Variants in KCNQ5 observed in about 807,000 individuals in gnomAD.
KCNQ5 encodes the protein potassium voltage-gated channel subfamily Q member 5.
A neutral mutation model predicts 98.2 loss-of-function variants in KCNQ5; 30 were observed. The observed-to-expected ratio is 0.31, with a 90% CI of 0.23 to 0.41. The LOEUF is 0.41. Among genes scored for constraint, KCNQ5 ranks in the 10% least tolerant of loss-of-function variants. The pLI is 1.00. For synonymous variants in KCNQ5, 458 were observed against 449.4 expected (o/e 1.02, Z -0.24); for missense variants, 835 against 1,182.5 (o/e 0.71, Z 4.31).
chr6:72,673,341 T>A (rs187156835), intron 1 of KCNQ5, among the ~76,000 whole-genome samples: 2 of 152,312 alleles, frequency 1.3e-5, no homozygotes, highest in East Asian at 1.9e-4. Flanking sequence ...AAATATATAA[T>A]GCATCAAGTG....
chr6:73,151,102 TTA>T (rs1248276170), intron 10 of KCNQ5, among the ~76,000 whole-genome samples: 2 of 152,198 alleles, frequency 1.3e-5, no homozygotes, highest in African/African-American at 4.8e-5. Flanking sequence ...AATCTCTGTA[TTA>T]TGTCTTACAA....
At chr6:73,058,064 C>T (rs994867182) in intron 3 of KCNQ5, among the ~76,000 whole-genome samples, 1 of 152,156 alleles carries the variant, frequency 6.6e-6, no homozygotes, top group Non-Finnish European at 1.5e-5. Context: ...AATTGGACCC[C>T]TTGTTTATAC....
chr6:72,733,776 G>T (rs1220403427), intron 1 of KCNQ5, among the ~76,000 whole-genome samples: 2 of 152,204 alleles, frequency 1.3e-5, no homozygotes, highest in Non-Finnish European at 2.9e-5. Context: ...ACATCTTAAT[G>T]GTTTCTAATG....
chr6:72,940,840 C>T (rs759140276), intron 1 of KCNQ5, among the ~76,000 whole-genome samples: 14 of 151,982 alleles, frequency 9.2e-5, no homozygotes, highest in Non-Finnish European at 1.6e-4. Context: ...GTTGTTTTAA[C>T]GATTAAATAA....
At chr6:72,750,983 G>A (rs1263837265) in intron 1 of KCNQ5, among the ~76,000 whole-genome samples, 4 of 151,920 alleles carry the variant, frequency 2.6e-5, no homozygotes, top group Non-Finnish European at 5.9e-5. Flanking sequence ...TATTTTGGAT[G>A]TTTGCTCAGA....
rs543983897 is a variant in KCNQ5 at position 72,797,502 on chromosome 6, C to CA, written c.398+174931dup. Among the ~76,000 whole-genome samples, 640 of 87,226 alleles carry CA rather than the reference C, an allele frequency of 7.3e-3. 3 individuals carry two copies. Among genetic ancestry groups the CA allele is most frequent in the Non-Finnish European group, 0.011 (419 of 37,100 alleles). 57.2% of individuals were successfully genotyped at this position (87,226 alleles called of 152,430 possible). On this transcript the variant is annotated intron_variant, in intron 1 of 13. Coordinates refer to ENST00000370398, the MANE Select transcript of KCNQ5 (RefSeq NM_019842.4). ...CCTGGGCAACAGAATAAGACCCTGC[C>CA]AAAAAAAAAAAAAAAAGTGTTTAGT...
Position 72,969,165 on chromosome 6 carries a change from A to G in KCNQ5, c.399-34743A>G, listed in dbSNP as rs181144181. On this transcript the variant is annotated intron_variant, in intron 1 of 13. Transcript: ENST00000370398. Reference sequence around the variant, plus strand: ...AAGCATTTATGCCCAAACACAATATATGTTTACAACCAAATTTGAAAGTAA... The same window carrying G: ...AAGCATTTATGCCCAAACACAATATGTGTTTACAACCAAATTTGAAAGTAA... Among the ~76,000 whole-genome samples the G allele has an allele frequency of 7.4e-4, 113 of 152,332 alleles. 1 individual carries two copies. The highest frequency in any genetic ancestry group is 1.9e-4 in the Non-Finnish European group (13 of 68,032).
chr6:72,668,133 G>A (rs894068978), intron 1 of KCNQ5, among the ~76,000 whole-genome samples: 1 of 152,124 alleles, frequency 6.6e-6, no homozygotes, highest in Non-Finnish European at 1.5e-5. Context: ...TGGGAAGGCT[G>A]GGGAAAGTGT....
chr6:72,947,600 T>A (rs75822360), intron 1 of KCNQ5, among the ~76,000 whole-genome samples: 165 of 152,278 alleles, frequency 1.1e-3, no homozygotes, highest in Non-Finnish European at 1.9e-3. Flanking sequence ...CTGATAGATA[T>A]AATTGACTGC....
chr6:72,951,820 A>G (rs955220281), intron 1 of KCNQ5, among the ~76,000 whole-genome samples: 1 of 152,214 alleles, frequency 6.6e-6, no homozygotes, highest in Non-Finnish European at 1.5e-5. Flanking sequence ...CTCTTAGTAC[A>G]TGGCAAAGCT....
intron 1 of KCNQ5, among the ~76,000 whole-genome samples, chr6:72,880,422 C>T (rs763673899): frequency 6.6e-6 from 1 of 152,146 alleles, no homozygotes; most frequent in Non-Finnish European, 1.5e-5. Context: ...GAGGCTTGAC[C>T]TCCATGACAT....
chr6:72,702,527 G>A (rs1768867009), intron 1 of KCNQ5, among the ~76,000 whole-genome samples: 1 of 152,160 alleles, frequency 6.6e-6, no homozygotes, highest in South Asian at 2.1e-4. Context: ...TATGATCGAA[G>A]TAGAGAAAGA....
At chr6:72,987,451 A>G (rs1175519205) in intron 1 of KCNQ5, 4 of 678,626 alleles carry the variant, frequency 5.9e-6, no homozygotes, top group Admixed American at 5.4e-5. Flanking sequence ...GCTGGTTTTG[A>G]CAACGAGGAA....
At chr6:73,160,652 T>C (rs1777583412) in intron 10 of KCNQ5, among the ~76,000 whole-genome samples, 2 of 152,216 alleles carry the variant, frequency 1.3e-5, no homozygotes, top group Admixed American at 1.3e-4. Context: ...ATTGCTCCTC[T>C]GCAAAATATA....
At chr6:72,677,897 C>T (rs753598187) in intron 1 of KCNQ5, among the ~76,000 whole-genome samples, 24 of 152,216 alleles carry the variant, frequency 1.6e-4, no homozygotes, top group Admixed American at 9.2e-4. Flanking sequence ...ATTGGGGGTG[C>T]GGTGGCTAGT....
chr6:73,101,439 C>T (rs564365164), intron 5 of KCNQ5, among the ~76,000 whole-genome samples: 1 of 152,134 alleles, frequency 6.6e-6, no homozygotes, highest in South Asian at 2.1e-4. Context: ...AAAGAGCATC[C>T]AAATTGGGAA....
chr6:72,781,051 C>T (rs1006271029), intron 1 of KCNQ5, among the ~76,000 whole-genome samples: 2 of 152,160 alleles, frequency 1.3e-5, no homozygotes, highest in Non-Finnish European at 2.9e-5. Context: ...CATGTCTATG[C>T]AGAATCTCGG....
intron 9 of KCNQ5, among the ~76,000 whole-genome samples, chr6:73,126,397 G>T (rs1452026227): frequency 2.6e-5 from 4 of 152,172 alleles, no homozygotes; most frequent in South Asian, 2.1e-4. Context: ...CAATGATATT[G>T]TACTGTTTTT....
chr6:73,075,918 G>A (rs1773519712), intron 3 of KCNQ5, among the ~76,000 whole-genome samples: 1 of 152,162 alleles, frequency 6.6e-6, no homozygotes. Flanking sequence ...GTTGGTGCAT[G>A]CCTGTAGTCC....
Sources: gnomAD v4.1 joint callset for allele counts (sites outside exome capture counted in the v4.1 genomes callset) on GRCh38, gnomAD v4.1.1 for gene constraint, MANE v1.5 for transcripts, NCBI Gene and HGNC (gene_info 2026-07-23, HGNC 2026-07-21) for gene names.